Variants in ZNF676 observed in about 807,000 individuals in gnomAD.
ZNF676 encodes zinc finger protein 676.
Under a neutral mutation model 6.0 loss-of-function variants are expected in ZNF676, and 4 were observed. The ratio of observed to expected loss-of-function variants is 0.67; its 90% confidence interval spans 0.33 to 1.53. ZNF676 has a LOEUF of 1.53. Ranked by LOEUF, ZNF676 falls within the 40% of genes most tolerant of loss-of-function variation. The pLI, the probability that ZNF676 is intolerant of heterozygous loss-of-function variation, is 0.06. For synonymous variants in ZNF676, 198 were observed against 223.1 expected (o/e 0.89, Z 1.00); for missense variants, 644 against 679.7 (o/e 0.95, Z 0.58).
the ZNF676 span, among the ~76,000 whole-genome samples, chr19:22,257,465 GT>G: frequency 6.6e-6 from 1 of 152,122 alleles, no homozygotes; most frequent in Non-Finnish European, 1.5e-5. Flanking sequence ...CCAGTGATAA[GT>G]CACTATTATT....
At chr19:22,247,362 G>A in the ZNF676 span, among the ~76,000 whole-genome samples, 4 of 151,834 alleles carry the variant, frequency 2.6e-5, no homozygotes, top group South Asian at 4.1e-4. Context: ...TCAGAAGTTC[G>A]AGACCAGCCT....
chr19:22,214,766 G>A (rs1476664944), intron 1 of ZNF676, among the ~76,000 whole-genome samples: 1 of 151,266 alleles, frequency 6.6e-6, no homozygotes, highest in Non-Finnish European at 1.5e-5. Context: ...GAGGCTGGGC[G>A]CCATGACTCA....
At chr19:22,243,104 C>A in the ZNF676 span, 1 of 151,866 alleles carries the variant, frequency 6.6e-6, no homozygotes, top group South Asian at 2.1e-4. Context: ...AGGTGCTGGG[C>A]CCAGAGACAT....
chr19:22,213,216 G>A (rs1255885566), intron 1 of ZNF676, among the ~76,000 whole-genome samples: 1 of 152,102 alleles, frequency 6.6e-6, no homozygotes, highest in African/African-American at 2.4e-5. Flanking sequence ...TACTTTGCAA[G>A]TTCTTGCACC....
chr19:22,186,528 A>T (rs549930058), intron 2 of ZNF676, among the ~76,000 whole-genome samples: 2 of 152,344 alleles, frequency 1.3e-5, no homozygotes, highest in South Asian at 4.1e-4. Flanking sequence ...ATTCACACAT[A>T]ACAATATTAA....
chr19:22,220,138 T>C (rs2024232779), upstream of ZNF676, among the ~76,000 whole-genome samples: 1 of 152,236 alleles, frequency 6.6e-6, no homozygotes, highest in Non-Finnish European at 1.5e-5. Context: ...TTACCTATGT[T>C]AAATCATCTC....
chr19:22,204,457 A>T (rs2024056512), intron 1 of ZNF676, among the ~76,000 whole-genome samples: 1 of 152,200 alleles, frequency 6.6e-6, no homozygotes, highest in African/African-American at 2.4e-5. Context: ...AATACTGTTT[A>T]ATTTACATGA....
At chr19:22,239,197 ATTT>A in the ZNF676 span, among the ~76,000 whole-genome samples, 28 of 130,076 alleles carry the variant, frequency 2.2e-4, no homozygotes, top group African/African-American at 7.2e-4. Context: ...CCAACTGTGA[ATTT>A]TTTTTTTTTT....
the ZNF676 span, among the ~76,000 whole-genome samples, chr19:22,254,896 C>T: frequency 6.6e-6 from 1 of 152,178 alleles, no homozygotes; most frequent in Non-Finnish European, 1.5e-5. Context: ...GCCACAATTT[C>T]ACCTGTAGGA....
At chr19:22,191,723 C>T (rs1177606257) in intron 2 of ZNF676, among the ~76,000 whole-genome samples, 1 of 152,184 alleles carries the variant, frequency 6.6e-6, no homozygotes, top group Non-Finnish European at 1.5e-5. Context: ...GGAATTACAA[C>T]TGCCCAAGCC....
chr19:22,183,650 A>G (rs1313254153), intron 2 of ZNF676, among the ~76,000 whole-genome samples: 1 of 152,226 alleles, frequency 6.6e-6, no homozygotes, highest in African/African-American at 2.4e-5. Flanking sequence ...TATTTAAAAA[A>G]TTTTAAATAT....
At chr19:22,184,158 C>T (rs373419711) in intron 2 of ZNF676, among the ~76,000 whole-genome samples, 23 of 152,094 alleles carry the variant, frequency 1.5e-4, no homozygotes, top group African/African-American at 3.4e-4. Flanking sequence ...CTGAGGTACC[C>T]GGTTTATCTC....
chr19:22,240,395 G>T, the ZNF676 span, among the ~76,000 whole-genome samples: 1 of 151,932 alleles, frequency 6.6e-6, no homozygotes, highest in African/African-American at 2.4e-5. Context: ...TAGTTGATGG[G>T]CCCAGAGATA....
upstream of ZNF676, among the ~76,000 whole-genome samples, chr19:22,220,248 A>G (rs1482460636): frequency 6.6e-6 from 1 of 152,092 alleles, no homozygotes; most frequent in African/African-American, 2.4e-5. Context: ...TTTTGCATTT[A>G]TGCTCATCAG....
At chr19:22,258,039 T>G in the ZNF676 span, among the ~76,000 whole-genome samples, 2 of 152,114 alleles carry the variant, frequency 1.3e-5, no homozygotes, top group Non-Finnish European at 2.9e-5. Context: ...ACATCAGCCA[T>G]CAACCATGTG....
intron 2 of ZNF676, among the ~76,000 whole-genome samples, chr19:22,187,177 A>G: frequency 6.6e-6 from 1 of 152,212 alleles, no homozygotes; most frequent in Non-Finnish European, 1.5e-5. Context: ...AGTCTCTCAG[A>G]CCACAGTGCA....
chr19:22,184,639 CA>C (rs1312185884), intron 2 of ZNF676, among the ~76,000 whole-genome samples: 4 of 151,862 alleles, frequency 2.6e-5, no homozygotes, highest in Non-Finnish European at 5.9e-5. Flanking sequence ...TGGCTGCAAG[CA>C]CAGCAGTCTA....
At chr19:22,199,441 G>A (rs1291684580), upstream of ZNF676, among the ~76,000 whole-genome samples, 3 of 152,044 alleles carry the variant, frequency 2.0e-5, no homozygotes, top group African/African-American at 7.2e-5. Context: ...GTGTGCACAT[G>A]TACTAATGCA....
At chr19:22,185,050 T>C (rs1449201447) in intron 2 of ZNF676, among the ~76,000 whole-genome samples, 1 of 152,078 alleles carries the variant, frequency 6.6e-6, no homozygotes, top group East Asian at 1.9e-4. Flanking sequence ...AGTTGGTCCC[T>C]GACATCCGTG....
Sources: allele counts gnomAD v4.1 joint callset (sites outside exome capture counted in the v4.1 genomes callset), GRCh38; gene constraint gnomAD v4.1.1; transcripts MANE v1.5; gene names NCBI Gene and HGNC (gene_info 2026-07-23, HGNC 2026-07-21).